EML6: variants seen among roughly 807,000 people sequenced by gnomAD.
EML6 encodes echinoderm microtubule-associated protein-like 6.
A neutral mutation model predicts 240.1 loss-of-function variants in EML6; 154 were observed. The observed-to-expected ratio is 0.64, with a 90% CI of 0.56 to 0.73. The LOEUF is 0.73. EML6 is among the 30% of genes least tolerant of loss of function. The pLI is 0.00. For synonymous variants in EML6, 1,148 were observed against 899.0 expected (o/e 1.28, Z -4.95); for missense variants, 2,964 against 2,474.6 (o/e 1.20, Z -4.20).
chr2:54,936,181 T>G (rs1370537982), intron 28 of EML6, among the ~76,000 whole-genome samples: 1 of 152,246 alleles, frequency 6.6e-6, no homozygotes, highest in Non-Finnish European at 1.5e-5. Flanking sequence ...CAAATTATCA[T>G]GTGGCTTCAG....
In EML6 at chr2:54,910,956, A is replaced by G. The variant is rs1370016363; in HGVS notation, c.3412A>G (p.Lys1138Glu). 1 of 1,525,138 alleles carries G rather than the reference A, an allele frequency of 6.6e-7. No individual in the cohort carries two copies. The highest frequency in any genetic ancestry group is 1.2e-5 in the South Asian group (1 of 81,450). The allele number at this position is 1,525,138 out of a possible 1,614,324, so 94.5% of individuals were successfully genotyped here. A position where few individuals can be genotyped will look rare whatever the true frequency, so the allele number is the denominator to read the frequency against. Reference sequence around the variant, plus strand: ...TCTACTTCGTTCTGTCGTAACAGGAAAATTATTGCAAGTGAATTCAGGTGC... The same window carrying G: ...TCTACTTCGTTCTGTCGTAACAGGAGAATTATTGCAAGTGAATTCAGGTGC... Reference protein sequence around the residue: ...ITHIDWDSRGKLLQVNSGARE... With the variant: ...ITHIDWDSRGELLQVNSGARE... The change falls in exon 25 of 42, where the codon AAA (lysine) becomes GAA (glutamate). Residue 1138 changes from lysine to glutamate, a missense_variant and splice_region_variant. Coordinates refer to ENST00000356458, the MANE Select transcript of EML6 (RefSeq NM_001039753.4).
At chr2:54,919,254 CA>C (rs1237089339) in intron 26 of EML6, among the ~76,000 whole-genome samples, 98 of 131,306 alleles carry the variant, frequency 7.5e-4, no homozygotes, top group African/African-American at 2.6e-3. Context: ...CCCCCCCCCC[CA>C]ATCCTTTTCA....
At chr2:54,967,174 T>G (rs932128378) in intron 39 of EML6, 71 bp downstream of exon 39, 2 of 1,014,316 alleles carry the variant, frequency 2.0e-6, no homozygotes, top group Non-Finnish European at 3.0e-6. Context: ...AGGCTCAGCC[T>G]CCAAGTCTGT....
chr2:54,894,541 G>T (rs1672657403), intron 19 of EML6, among the ~76,000 whole-genome samples: 1 of 151,968 alleles, frequency 6.6e-6, no homozygotes, highest in African/African-American at 2.4e-5. Context: ...CAATCCATTT[G>T]GTCAGAGTAT....
chr2:54,907,609 A>G (rs1673391454), intron 24 of EML6, among the ~76,000 whole-genome samples: 2 of 152,230 alleles, frequency 1.3e-5, no homozygotes, highest in Admixed American at 6.5e-5. Context: ...ACCAGTTGTT[A>G]GAATTATTCT....
chr2:54,844,789 C>G (rs1353181186), intron 8 of EML6, among the ~76,000 whole-genome samples: 2 of 152,200 alleles, frequency 1.3e-5, no homozygotes, highest in East Asian at 3.9e-4. Flanking sequence ...CTCCAGCTTT[C>G]TTGCTGTGGA....
At chr2:54,920,123 AAAG>A (rs1186154950) in intron 26 of EML6, among the ~76,000 whole-genome samples, 4 of 152,306 alleles carry the variant, frequency 2.6e-5, no homozygotes, top group Non-Finnish European at 2.9e-5. Context: ...AAAACTAGGA[AAAG>A]AAGACCAAAC....
chr2:54,893,047 C>T (rs1448993263), intron 19 of EML6, among the ~76,000 whole-genome samples: 1 of 152,164 alleles, frequency 6.6e-6, no homozygotes, highest in Non-Finnish European at 1.5e-5. Context: ...ATTATTGTTC[C>T]AGACGTCCAT....
intron 26 of EML6, among the ~76,000 whole-genome samples, chr2:54,927,315 G>A (rs905449037): frequency 6.6e-6 from 1 of 152,162 alleles, no homozygotes; most frequent in Admixed American, 6.5e-5. Context: ...CCTGTTTCCT[G>A]CTGTATGTCT....
chr2:54,792,060 C>A (rs1042994481), intron 2 of EML6, among the ~76,000 whole-genome samples: 1 of 152,180 alleles, frequency 6.6e-6, no homozygotes, highest in East Asian at 1.9e-4. Flanking sequence ...CCAAAGTCAT[C>A]TGGTTTTCTT....
intron 3 of EML6, 144 bp from the exon 4 acceptor site, chr2:54,816,643 G>C: frequency 1.6e-6 from 1 of 619,676 alleles, no homozygotes; most frequent in South Asian, 2.0e-5. Context: ...GTTATTTTTA[G>C]TTTGGGGTTT....
intron 28 of EML6, among the ~76,000 whole-genome samples, chr2:54,940,109 G>C (rs1304038375): frequency 6.6e-6 from 1 of 152,188 alleles, no homozygotes; most frequent in Non-Finnish European, 1.5e-5. Flanking sequence ...TTTTATAAAT[G>C]GTGGTGCCCT....
intron 2 of EML6, among the ~76,000 whole-genome samples, chr2:54,778,921 T>A (rs980808357): frequency 5.6e-5 from 8 of 141,718 alleles, no homozygotes; most frequent in Non-Finnish European, 9.0e-5. Flanking sequence ...AGAAAAGAAG[T>A]GAATTGTTAA....
chr2:54,844,973 GACAA>G (rs1669670953), intron 8 of EML6, among the ~76,000 whole-genome samples: 1 of 152,172 alleles, frequency 6.6e-6, no homozygotes, highest in African/African-American at 2.4e-5. Context: ...TATGCTCAAT[GACAA>G]ACAGGCCAGA....
At chr2:54,776,484 G>A (rs1205750011) in intron 2 of EML6, among the ~76,000 whole-genome samples, 1 of 152,006 alleles carries the variant, frequency 6.6e-6, no homozygotes, top group East Asian at 1.9e-4. Flanking sequence ...TTGAATATAG[G>A]TAGTAGGCTC....
At chr2:54,892,114 T>C (rs1172870323) in intron 18 of EML6, among the ~76,000 whole-genome samples, 1 of 152,198 alleles carries the variant, frequency 6.6e-6, no homozygotes, top group African/African-American at 2.4e-5. Context: ...GAACTTGTGC[T>C]GAGCCTCAGT....
At chr2:54,841,837 C>T (rs553665752) in intron 7 of EML6, among the ~76,000 whole-genome samples, 10 of 152,244 alleles carry the variant, frequency 6.6e-5, no homozygotes, top group South Asian at 2.1e-4. Flanking sequence ...AAGCGATCTG[C>T]CTGCCTCAGC....
intron 28 of EML6, among the ~76,000 whole-genome samples, chr2:54,941,056 T>C (rs1301267726): frequency 6.6e-6 from 1 of 152,236 alleles, no homozygotes; most frequent in South Asian, 2.1e-4. Flanking sequence ...CCAGTTTTCC[T>C]TCTAACCTTT....
chr2:54,869,432 A>G lies in EML6; in HGVS notation c.2238+65A>G, dbSNP rs79314740. ...AATTTAATTTTTGAATTCAGTTTACATATTAGAAATTCAAGAAATGCTTGG... is the reference window on the plus strand; with the variant it reads ...AATTTAATTTTTGAATTCAGTTTACGTATTAGAAATTCAAGAAATGCTTGG... On this transcript the variant is annotated intron_variant, in intron 15 of 41. Transcript: ENST00000356458. 2,136 of 1,237,412 alleles carry G rather than the reference A, an allele frequency of 1.7e-3. 31 individuals are homozygous for G. The African/African-American group carries it at 0.03, about 17-fold the overall frequency. The allele number at this position is 1,237,412 out of a possible 1,614,324, so 76.7% of individuals were successfully genotyped here.
Sources: allele counts gnomAD v4.1 joint callset (sites outside exome capture counted in the v4.1 genomes callset), GRCh38; gene constraint gnomAD v4.1.1; transcripts MANE v1.5; gene names NCBI Gene and HGNC (gene_info 2026-07-23, HGNC 2026-07-21).